The following PRELID2 variants were observed in gnomAD, a reference collection of about 807,000 sequenced individuals.
PRELID2 encodes PRELI domain-containing protein 2.
In PRELID2, 25 loss-of-function variants were observed where a neutral mutation model predicts 28.4. The observed-to-expected ratio is 0.88, with a 90% confidence interval of 0.64 to 1.23. PRELID2 has a LOEUF of 1.23. PRELID2 is among the 50% of genes most tolerant of loss of function. The pLI is 0.00. For missense variants in PRELID2, 201 were observed against 214.4 expected (o/e 0.94, Z 0.39); for synonymous variants, 76 against 71.6 (o/e 1.06, Z -0.31).
At chr5:145,371,251 T>G in the PRELID2 span, among the ~76,000 whole-genome samples, 1 of 152,172 alleles carries the variant, frequency 6.6e-6, no homozygotes, top group Non-Finnish European at 1.5e-5. Context: ...GCTGTGTATT[T>G]GTCATAAATA....
At chr5:145,413,244 C>T in the PRELID2 span, among the ~76,000 whole-genome samples, 1 of 152,164 alleles carries the variant, frequency 6.6e-6, no homozygotes, top group Non-Finnish European at 1.5e-5. Flanking sequence ...TGCTCAACAT[C>T]ACTAATGATC....
chr5:145,380,887 C>T, the PRELID2 span, among the ~76,000 whole-genome samples: 4 of 152,098 alleles, frequency 2.6e-5, no homozygotes, highest in Admixed American at 6.6e-5. Context: ...TAAATCCAAT[C>T]GGTGACCTAA....
At chr5:145,453,504 T>A in the PRELID2 span, among the ~76,000 whole-genome samples, 3 of 152,182 alleles carry the variant, frequency 2.0e-5, no homozygotes, top group Non-Finnish European at 4.4e-5. Context: ...GGGATACATG[T>A]GCAGAACGTG....
intron 1 of PRELID2, among the ~76,000 whole-genome samples, chr5:145,512,567 A>G: frequency 6.6e-6 from 1 of 152,196 alleles, no homozygotes; most frequent in East Asian, 1.9e-4. Context: ...GCTTCAGCAG[A>G]CTTAAATGTT....
intron 1 of PRELID2, among the ~76,000 whole-genome samples, chr5:145,652,432 C>G (rs936944293): frequency 1.6e-4 from 25 of 152,270 alleles, no homozygotes; most frequent in African/African-American, 5.5e-4. Flanking sequence ...AAGAGCAACT[C>G]CAAGACACAT....
chr5:145,320,092 T>C, the PRELID2 span, among the ~76,000 whole-genome samples: 3 of 152,382 alleles, frequency 2.0e-5, no homozygotes, highest in African/African-American at 7.2e-5. Context: ...TCATTATGAA[T>C]GGAATACATT....
chr5:145,572,663 C>T (rs1001107976), intron 1 of PRELID2, among the ~76,000 whole-genome samples: 1 of 152,178 alleles, frequency 6.6e-6, no homozygotes, highest in African/African-American at 2.4e-5. Context: ...AACATTTCCA[C>T]AGCTAAATAA....
the PRELID2 span, among the ~76,000 whole-genome samples, chr5:145,255,552 T>C: frequency 2.0e-5 from 3 of 151,880 alleles, no homozygotes; most frequent in South Asian, 2.1e-4. Context: ...GGTGAGAGAA[T>C]TGCTTGAGCC....
the PRELID2 span, among the ~76,000 whole-genome samples, chr5:145,277,459 A>G: frequency 1.3e-5 from 2 of 152,128 alleles, no homozygotes; most frequent in South Asian, 4.1e-4. Flanking sequence ...CCCATTCTTC[A>G]CTTCAGGGTG....
At chr5:145,396,626 C>A in the PRELID2 span, among the ~76,000 whole-genome samples, 1 of 151,982 alleles carries the variant, frequency 6.6e-6, no homozygotes, top group African/African-American at 2.4e-5. Context: ...ACTTCCATTA[C>A]TTAAACCTTA....
intron 4 of PRELID2, among the ~76,000 whole-genome samples, chr5:145,814,716 A>G (rs1754179820): frequency 6.6e-6 from 1 of 152,226 alleles, no homozygotes; most frequent in Non-Finnish European, 1.5e-5. Flanking sequence ...AATAACAAAA[A>G]AAAACAGATA....
intron 1 of PRELID2, among the ~76,000 whole-genome samples, chr5:145,546,045 G>C (rs1477411246): frequency 6.6e-6 from 1 of 152,132 alleles, no homozygotes; most frequent in African/African-American, 2.4e-5. Context: ...ATGGTCCACA[G>C]ATATCCTGGA....
intron 1 of PRELID2, among the ~76,000 whole-genome samples, chr5:145,717,916 A>G (rs962233183): frequency 6.6e-6 from 1 of 151,860 alleles, no homozygotes; most frequent in African/African-American, 2.4e-5. Context: ...TCTCCATGGT[A>G]AGAATAACTT....
At chr5:145,425,109 G>A in the PRELID2 span, among the ~76,000 whole-genome samples, 1 of 151,670 alleles carries the variant, frequency 6.6e-6, no homozygotes, top group African/African-American at 2.4e-5. Flanking sequence ...GACATGAACA[G>A]ACACTTCTCA....
At chr5:145,447,632 C>T in the PRELID2 span, among the ~76,000 whole-genome samples, 1 of 106,974 alleles carries the variant, frequency 9.3e-6, no homozygotes, top group Non-Finnish European at 1.9e-5. Context: ...TCCCCCCACC[C>T]CACCACAGTC....
At position 145,481,623 on chromosome 5, in the gene PRELID2, C is replaced by CAAAAAAAAAAAAAAAAAAAAAAAA. The variant is rs70998021; in HGVS notation, n.71-8332_71-8309dup. ...CTGGGTGATAAGAAAGCAAGGAAAT[C>CAAAAAAAAAAAAAAAAAAAAAAAA]AAAAAAAAAAAAAAAAAAAAAAAAA... On this transcript the variant is annotated intron_variant and non_coding_transcript_variant, in intron 1 of 2. Coordinates refer to the PRELID2 transcript ENST00000510259. Among the ~76,000 whole-genome samples, 313 of 41,896 alleles carry CAAAAAAAAAAAAAAAAAAAAAAAA rather than the reference C, an allele frequency of 7.5e-3. 3 individuals are homozygous for CAAAAAAAAAAAAAAAAAAAAAAAA. The highest frequency in any genetic ancestry group is 0.021 in the East Asian group (12 of 572). The allele number at this position is 41,896 out of a possible 152,430, so 27.5% of individuals were successfully genotyped here. A position where few individuals can be genotyped will look rare whatever the true frequency, so the allele number is the denominator to read the frequency against.
chr5:145,325,600 T>C, the PRELID2 span, among the ~76,000 whole-genome samples: 1 of 152,146 alleles, frequency 6.6e-6, no homozygotes, highest in African/African-American at 2.4e-5. Flanking sequence ...TAACCCCATG[T>C]TTTCTAATAA....
the PRELID2 span, among the ~76,000 whole-genome samples, chr5:145,385,781 C>T: frequency 6.6e-6 from 1 of 152,116 alleles, no homozygotes; most frequent in Non-Finnish European, 1.5e-5. Context: ...AATGACATTG[C>T]ATCCTTCAAG....
chr5:145,683,539 G>T (rs771814686), intron 1 of PRELID2, among the ~76,000 whole-genome samples: 1 of 152,066 alleles, frequency 6.6e-6, no homozygotes, highest in Admixed American at 6.6e-5. Context: ...CCACCTTCTC[G>T]CTATGTCCTC....
Sources: allele counts gnomAD v4.1 joint callset (sites outside exome capture counted in the v4.1 genomes callset), GRCh38; gene constraint gnomAD v4.1.1; transcripts MANE v1.5; gene names NCBI Gene and HGNC (gene_info 2026-07-23, HGNC 2026-07-21).